Variants in MAD1L1 observed in about 807,000 individuals in gnomAD.
The protein encoded by MAD1L1 is mitotic arrest deficient 1 like 1.
MAD1L1 carries 95 observed loss-of-function variants against 96.9 expected under a neutral mutation model. The observed-to-expected ratio is 0.98, with a 90% CI of 0.83 to 1.16. The LOEUF is 1.16. Among genes scored for constraint, MAD1L1 ranks in the 50% most tolerant of loss-of-function variants. The pLI is 0.00. For missense variants in MAD1L1, 1,007 were observed against 954.4 expected (o/e 1.06, Z -0.73); for synonymous variants, 473 against 396.6 (o/e 1.19, Z -2.29).
intron 11 of MAD1L1, among the ~76,000 whole-genome samples, chr7:2,077,989 G>C (rs1386268098): frequency 1.3e-5 from 2 of 152,200 alleles, no homozygotes; most frequent in Non-Finnish European, 2.9e-5. Context: ...AGGGTTCCCA[G>C]ACAGGGCAGA....
intron 10 of MAD1L1, among the ~76,000 whole-genome samples, chr7:2,207,861 T>A (rs56086108): frequency 0.28 from 42,455 of 151,808 alleles, 7,609 homozygotes; most frequent in East Asian, 0.61. Context: ...GCACCTGGAA[T>A]CTGAAGGGGG....
intron 10 of MAD1L1, among the ~76,000 whole-genome samples, chr7:2,207,070 T>A (rs1584548112): frequency 7.1e-6 from 1 of 140,372 alleles, no homozygotes; most frequent in Admixed American, 7.4e-5. Flanking sequence ...AGAGTAAGAT[T>A]CCGTCTCAAA....
intron 10 of MAD1L1, among the ~76,000 whole-genome samples, chr7:2,186,627 C>A (rs1000949660): frequency 1.3e-5 from 2 of 152,286 alleles, no homozygotes; most frequent in South Asian, 4.1e-4. Flanking sequence ...TTATCCTGTA[C>A]AATATTTTTG....
intron 15 of MAD1L1, among the ~76,000 whole-genome samples, chr7:1,969,852 C>T (rs1266059399): frequency 1.3e-5 from 2 of 152,138 alleles, no homozygotes; most frequent in Non-Finnish European, 2.9e-5. Context: ...CCAAACATTG[C>T]TAAAAGAAAT....
At chr7:2,026,776 C>T (rs767201386) in intron 12 of MAD1L1, among the ~76,000 whole-genome samples, 15 of 152,112 alleles carry the variant, frequency 9.9e-5, no homozygotes, top group South Asian at 4.1e-4. Flanking sequence ...TCAAAACGTA[C>T]GGTATGCAAC....
At chr7:2,003,906 C>T (rs1261715351) in intron 13 of MAD1L1, among the ~76,000 whole-genome samples, 10 of 152,172 alleles carry the variant, frequency 6.6e-5, no homozygotes, top group Admixed American at 5.2e-4. Flanking sequence ...ATAATCCGGC[C>T]ACTGCTGGGG....
chr7:2,070,272 G>A (rs910895483), intron 11 of MAD1L1, among the ~76,000 whole-genome samples: 1 of 152,180 alleles, frequency 6.6e-6, no homozygotes, highest in Non-Finnish European at 1.5e-5. Flanking sequence ...CTGTGATTCC[G>A]GGAACCCCAG....
chr7:1,839,753 G>C (rs1049845882), intron 18 of MAD1L1, among the ~76,000 whole-genome samples: 2 of 150,968 alleles, frequency 1.3e-5, no homozygotes, highest in Non-Finnish European at 1.5e-5. Flanking sequence ...CCTCCCCCCG[G>C]CTCCCAGGGC....
chr7:1,983,140 GCGCGCGCGCGCGCGCACACACACACACA>G (rs910461173), intron 14 of MAD1L1, among the ~76,000 whole-genome samples: 4 of 99,200 alleles, frequency 4.0e-5, no homozygotes, highest in African/African-American at 1.6e-4. Flanking sequence ...AGACGCGCGC[GCGCGCGCGCGCGCGCACACACACACACA>G]CACACACACA....
chr7:2,071,914 C>T (rs1319799517), intron 11 of MAD1L1, among the ~76,000 whole-genome samples: 1 of 152,212 alleles, frequency 6.6e-6, no homozygotes, highest in Non-Finnish European at 1.5e-5. Flanking sequence ...GTGGGGAGGG[C>T]ACGGACGCTC....
intron 11 of MAD1L1, among the ~76,000 whole-genome samples, chr7:2,137,970 G>C (rs1020343755): frequency 6.6e-6 from 1 of 152,166 alleles, no homozygotes; most frequent in African/African-American, 2.4e-5. Flanking sequence ...CACGACACCA[G>C]CCACACGACA....
At chr7:2,214,406 G>A (rs979130512) in intron 9 of MAD1L1, among the ~76,000 whole-genome samples, 3 of 152,196 alleles carry the variant, frequency 2.0e-5, no homozygotes, top group African/African-American at 4.8e-5. Flanking sequence ...CCACCTCACC[G>A]TGGGTCACAG....
chr7:2,181,256 A>T (rs1207938479), intron 10 of MAD1L1, among the ~76,000 whole-genome samples: 1 of 152,266 alleles, frequency 6.6e-6, no homozygotes, highest in Non-Finnish European at 1.5e-5. Flanking sequence ...CTCTGGAATC[A>T]GATTCTCTGC....
intron 12 of MAD1L1, among the ~76,000 whole-genome samples, chr7:2,063,335 G>T (rs1233199138): frequency 6.6e-6 from 1 of 152,232 alleles, no homozygotes; most frequent in Non-Finnish European, 1.5e-5. Flanking sequence ...TCCAGGCTGT[G>T]CCGGATCCCA....
chr7:2,088,842 C>G lies in MAD1L1; in HGVS notation c.1074-19504G>C, dbSNP rs896996349. ...TCCACAGAGGAGTTGTGAAGGTTCACACAGGGCTGGTGCTCACCCTCTGCC... is the reference window on the plus strand; with the variant it reads ...TCCACAGAGGAGTTGTGAAGGTTCAGACAGGGCTGGTGCTCACCCTCTGCC... On this transcript the variant is annotated intron_variant, in intron 11 of 18. Coordinates refer to ENST00000265854, the MANE Select transcript of MAD1L1 (RefSeq NM_001013836.2). This position sits in a 1 kb window ranked among gnomAD's most constrained non-coding sequence, Gnocchi z 4.4. The G allele has an allele frequency of 2.6e-5, 4 of 152,326 alleles. No homozygotes were observed. The highest frequency in any genetic ancestry group is 2.6e-4 in the Admixed American group (4 of 15,286). 9.4% of individuals were successfully genotyped at this position (152,326 alleles called of 1,614,324 possible).
intron 18 of MAD1L1, among the ~76,000 whole-genome samples, chr7:1,895,248 T>C (rs1347828931): frequency 2.6e-5 from 4 of 152,096 alleles, no homozygotes; most frequent in African/African-American, 9.7e-5. Flanking sequence ...TGGACCAAGG[T>C]GGGGTCTTGG....
At chr7:1,956,755 T>C (rs542682401) in intron 16 of MAD1L1, among the ~76,000 whole-genome samples, 1 of 152,322 alleles carries the variant, frequency 6.6e-6, no homozygotes, top group Admixed American at 6.5e-5. Context: ...ACAGGGATGG[T>C]GGCCAGGCCC....
chr7:2,144,720 CCT>C (rs974079068), intron 11 of MAD1L1, among the ~76,000 whole-genome samples: 19 of 151,948 alleles, frequency 1.3e-4, no homozygotes, highest in African/African-American at 4.1e-4. Context: ...CCCGGGGTGC[CCT>C]GTGTGAAGCG....
At position 1,843,784 on chromosome 7, in the gene MAD1L1, C is replaced by T. The variant is rs1381926524; in HGVS notation, c.1999-27556G>A. 3.9e-5 allele frequency among the ~76,000 whole-genome samples: 6 copies of T among 152,180 alleles called. No individual in the cohort carries two copies. In the East Asian group the frequency reaches 9.7e-4, roughly 25 times the overall value. ...CAAGAAGAAGCCCCACGGCAGGCCACGTGGAGGCGAATTCACCTCCTACCC... is the reference window on the plus strand; with the variant it reads ...CAAGAAGAAGCCCCACGGCAGGCCATGTGGAGGCGAATTCACCTCCTACCC... On this transcript the variant is annotated intron_variant, in intron 18 of 18. Coordinates refer to ENST00000265854, the MANE Select transcript of MAD1L1 (RefSeq NM_001013836.2).
Sources: gnomAD v4.1 joint callset for allele counts (sites outside exome capture counted in the v4.1 genomes callset) on GRCh38, gnomAD v4.1.1 for gene constraint, Gnocchi (gnomAD v3.1) non-coding constraint, MANE v1.5 for transcripts, NCBI Gene and HGNC (gene_info 2026-07-23, HGNC 2026-07-21) for gene names.